The following SBNO2 variants were observed in gnomAD, a reference collection of about 807,000 sequenced individuals.
The protein encoded by SBNO2 is protein strawberry notch homolog 2.
In SBNO2, 89 loss-of-function variants were observed where a neutral mutation model predicts 146.3. That is an observed-to-expected ratio of 0.61 (90% CI 0.51 to 0.73). The LOEUF is 0.73. Among genes scored for constraint, SBNO2 ranks in the 30% least tolerant of loss-of-function variants. The pLI, the probability that SBNO2 is intolerant of heterozygous loss-of-function variation, is 0.00. For missense variants in SBNO2, 2,092 were observed against 2,003.7 expected (o/e 1.04, Z -0.84); for synonymous variants, 1,147 against 892.6 (o/e 1.29, Z -5.08).
chr19:1,114,389 CG>C lies in SBNO2; in HGVS notation c.1918del (p.Arg640GlyfsTer75). The C allele has an allele frequency of 6.5e-7, 1 of 1,550,112 alleles. No individual in the cohort carries two copies. The highest frequency in any genetic ancestry group is 8.7e-7 in the Non-Finnish European group (1 of 1,146,570). ...GACGCCCGCTGTCTCGCACGCCAGC[CG>C]GGGGGCTTTGGCCCCGCGTCCCCGA... is the stretch of plus-strand genomic sequence containing the variant. Reference protein sequence around the residue: ...RPRGRGAKAPRLACETAGVIR... With the variant: ...RPRGRGAKAPXLACETAGVIR... On this transcript the variant is annotated frameshift_variant, in exon 18 of 32. Coordinates refer to ENST00000361757, the MANE Select transcript of SBNO2 (RefSeq NM_014963.3). LOFTEE classifies it high-confidence loss of function.
In SBNO2 at chr19:1,140,725, G is replaced by A. The variant is rs919199610; in HGVS notation, c.279+6584C>T. Among the ~76,000 whole-genome samples the A allele has an allele frequency of 6.6e-6, 1 of 152,196 alleles. No homozygotes were observed. Among genetic ancestry groups the A allele is most frequent in the Non-Finnish European group, 1.5e-5 (1 of 68,014 alleles). ...GACGGACGCAGCAGGGATGCCCGCA[G>A]GCAGCTCCCACGGGCAGAGGCTGCT... On this transcript the variant is annotated intron_variant, in intron 4 of 31. Transcript: ENST00000361757. This position sits in a 1 kb window ranked among gnomAD's most constrained non-coding sequence, Gnocchi z 4.4.
chr19:1,122,265 GGT>G lies in SBNO2; in HGVS notation c.1021_1022del (p.Thr341HisfsTer85). 1 of 1,572,830 alleles carries G rather than the reference GGT, an allele frequency of 6.4e-7. No individual in the cohort carries two copies. Among genetic ancestry groups the G allele is most frequent in the Non-Finnish European group, 8.6e-7 (1 of 1,159,074 alleles). ...HALSKIKYGD[T>X]TTSEGVLFAT... Reference sequence around the variant, plus strand: ...CGAAGAGGACGCCCTCTGAGGTAGTGGTGTCACCGTACTTGATCTGGGGATGC... The same window carrying G: ...CGAAGAGGACGCCCTCTGAGGTAGTGGTCACCGTACTTGATCTGGGGATGC... On this transcript the variant is annotated frameshift_variant, in exon 11 of 32. Coordinates refer to ENST00000361757, the MANE Select transcript of SBNO2 (RefSeq NM_014963.3). LOFTEE classifies it high-confidence loss of function.
In SBNO2 at chr19:1,147,425, A is replaced by C; in HGVS notation, c.168-5T>G. 2.7e-5 allele frequency: 16 copies of C among 582,168 alleles called. No individual in the cohort carries two copies. Among genetic ancestry groups the C allele is most frequent in the Non-Finnish European group, 3.8e-5 (15 of 397,024 alleles). The allele number at this position is 582,168 out of a possible 1,614,324, so 36.1% of individuals were successfully genotyped here. A position where few individuals can be genotyped will look rare whatever the true frequency, so the allele number is the denominator to read the frequency against. On this transcript the variant is annotated splice_region_variant and splice_polypyrimidine_tract_variant and intron_variant, in intron 3 of 31. Coordinates refer to ENST00000361757, the MANE Select transcript of SBNO2 (RefSeq NM_014963.3). ...GAGGCGGAGCTCATGAACGGGCTGG[A>C]GGGAGATGGGGGGGGGGGAGGTGAG...
chr19:1,114,821 G>A (rs1313969358), intron 17 of SBNO2, among the ~76,000 whole-genome samples: 3 of 152,082 alleles, frequency 2.0e-5, no homozygotes, highest in Non-Finnish European at 2.9e-5. Context: ...TTTTAGTAGA[G>A]ATGGGGTTTC....
intron 5 of SBNO2, among the ~76,000 whole-genome samples, chr19:1,125,117 CCAAGGCCTCCCAGAGTGGAGGT>C (rs1389761152): frequency 6.6e-6 from 1 of 151,640 alleles, no homozygotes; most frequent in East Asian, 1.9e-4. Context: ...CTTTGGGAGG[CCAAGGCCTCCCAGAGTGGAGGT>C]CAGGATTTCG....
chr19:1,122,313 G>A (rs769674828), intron 10 of SBNO2, 31 bp from the exon 11 acceptor site: 2 of 1,537,578 alleles, frequency 1.3e-6, no homozygotes, highest in Non-Finnish European at 8.8e-7. Flanking sequence ...TGTGGAATGG[G>A]GCCCCGGCTC....
intron 4 of SBNO2, among the ~76,000 whole-genome samples, 156 bp from the exon 5 acceptor site, chr19:1,127,921 C>A (rs996570878): frequency 2.0e-5 from 3 of 152,168 alleles, no homozygotes; most frequent in African/African-American, 7.2e-5. Flanking sequence ...TCAAGCAATT[C>A]TCCTGCCTCA....
Position 1,108,301 on chromosome 19 carries a change from C to A in SBNO2, c.4020G>T (p.Gly1340=). 1 of 1,483,800 alleles carries A rather than the reference C, an allele frequency of 6.7e-7. No homozygotes were observed. The highest frequency in any genetic ancestry group is 9.0e-7 in the Non-Finnish European group (1 of 1,113,054). 91.9% of individuals were successfully genotyped at this position (1,483,800 alleles called of 1,614,324 possible). The change falls in exon 32 of 32, where the codon GGG becomes GGT. Residue 1340 remains glycine (G), a synonymous_variant. Coordinates refer to ENST00000361757, the MANE Select transcript of SBNO2 (RefSeq NM_014963.3). ...EGALGEGAGA[G]GAAGGGPERQ... ...GCTCGGGACCACCGCCCGCCGCGCC[C>A]CCCGCCCCCGCGCCCTCCCCCAGCG...
At chr19:1,143,186 G>C (rs1322000146) in intron 4 of SBNO2, among the ~76,000 whole-genome samples, 1 of 151,940 alleles carries the variant, frequency 6.6e-6, no homozygotes, top group Admixed American at 6.6e-5. Context: ...TCAACCTCAT[G>C]GCTCCAACAA....
chr19:1,172,826 T>C (rs990068878), intron 1 of SBNO2, among the ~76,000 whole-genome samples: 2 of 116,274 alleles, frequency 1.7e-5, no homozygotes, highest in Admixed American at 1.2e-4. Context: ...ACAGGCCAGC[T>C]CCGAGGCCGG....
At chr19:1,146,593 C>A (rs1307870687) in intron 4 of SBNO2, among the ~76,000 whole-genome samples, 1 of 151,822 alleles carries the variant, frequency 6.6e-6, no homozygotes, top group African/African-American at 2.4e-5. Flanking sequence ...CAGCCCCTGG[C>A]CCCGGGTCCC....
rs2080175077 is a variant in SBNO2, at chr19:1,144,947, CAG to C, written c.279+2360_279+2361del. On this transcript the variant is annotated intron_variant, in intron 4 of 31. Transcript: ENST00000361757. The surrounding 1 kb of genome is among the most constrained non-coding windows in gnomAD (Gnocchi z 4.1). The stretch of plus-strand genomic sequence containing the variant: ...AGAGAGACAGAGACAGAGAGGGAGA[CAG>C]AGACAAAGAGGGAGACAGAGACAGA... 7.0e-6 allele frequency among the ~76,000 whole-genome samples: 1 copy of C among 142,872 alleles called. No homozygotes were observed. Among genetic ancestry groups the C allele is most frequent in the African/African-American group, 2.7e-5 (1 of 37,462 alleles). 93.7% of individuals were successfully genotyped at this position (142,872 alleles called of 152,430 possible). A position where few individuals can be genotyped will look rare whatever the true frequency, so the allele number is the denominator to read the frequency against.
intron 4 of SBNO2, chr19:1,132,097 A>G (rs1797332741): frequency 3.9e-6 from 6 of 1,542,400 alleles, no homozygotes; most frequent in Non-Finnish European, 4.4e-6. Flanking sequence ...TACCTTGTTC[A>G]GAGCCTCAAA....
At position 1,147,431 on chromosome 19, in the gene SBNO2, AT is replaced by A. The variant is rs372686808; in HGVS notation, c.168-12del. ...GAGCTCATGAACGGGCTGGAGGGAGATGGGGGGGGGGGAGGTGAGATGGGGT... is the reference window on the plus strand; with the variant it reads ...GAGCTCATGAACGGGCTGGAGGGAGAGGGGGGGGGGGAGGTGAGATGGGGT... On this transcript the variant is annotated splice_polypyrimidine_tract_variant and intron_variant, in intron 3 of 31. Coordinates refer to ENST00000361757, the MANE Select transcript of SBNO2 (RefSeq NM_014963.3). The A allele has an allele frequency of 0.16, 90,425 of 556,114 alleles. 6,635 individuals carry two copies. The highest frequency in any genetic ancestry group is 0.18 in the Non-Finnish European group (63,401 of 357,974). The allele number at this position is 556,114 out of a possible 1,614,324, so 34.4% of individuals were successfully genotyped here. A position where few individuals can be genotyped will look rare whatever the true frequency, so the allele number is the denominator to read the frequency against.
chr19:1,130,955 G>C (rs1346327231), intron 4 of SBNO2, among the ~76,000 whole-genome samples: 1 of 152,168 alleles, frequency 6.6e-6, no homozygotes. Flanking sequence ...ACTTCTAGCA[G>C]GTGCCCTCAG....
Position 1,110,185 on chromosome 19 carries a change from G to A in SBNO2, c.3029-408C>T, listed in dbSNP as rs1371896537. 6.6e-6 allele frequency among the ~76,000 whole-genome samples: 1 copy of A among 152,130 alleles called. No homozygotes were observed. The highest frequency in any genetic ancestry group is 1.9e-4 in the East Asian group (1 of 5,198). The stretch of plus-strand genomic sequence containing the variant: ...AGGCTGTGGGGGATCGTGGGAGCCT[G>A]GTTGGCTGCGGCACTGCTCATGAGT... On this transcript the variant is annotated intron_variant, in intron 26 of 31. Transcript: ENST00000361757. The surrounding 1 kb of genome is among the most constrained non-coding windows in gnomAD (Gnocchi z 4.9).
rs12609108 is a variant in SBNO2, at chr19:1,130,285, C to T, written c.280-2520G>A. Among the ~76,000 whole-genome samples the T allele has an allele frequency of 3.1e-3, 469 of 152,190 alleles. 30 individuals carry two copies. The East Asian group carries it at 0.074, about 24-fold the overall frequency. On this transcript the variant is annotated intron_variant, in intron 4 of 31. Transcript: ENST00000361757. ...AGCAGGGAGCCCGGGAGTGGGTGCA[C>T]GGGGACTCTCTGCACTGTCCCTGCA...
At chr19:1,135,359 C>A (rs1000972184) in intron 4 of SBNO2, among the ~76,000 whole-genome samples, 1 of 152,218 alleles carries the variant, frequency 6.6e-6, no homozygotes, top group Non-Finnish European at 1.5e-5. Context: ...AAAATACTGT[C>A]TCAAATAAAT....
Position 1,109,596 on chromosome 19 carries a change from G to T in SBNO2, c.3126C>A (p.Ile1042=), listed in dbSNP as rs185032569. 19,170 of 1,574,606 alleles carry T rather than the reference G, an allele frequency of 0.012. 147 individuals are homozygous for T. The highest frequency in any genetic ancestry group is 0.015 in the Non-Finnish European group (17,096 of 1,160,906). The change falls in exon 28 of 32, where the codon ATC becomes ATA. Residue 1042 remains isoleucine, a splice_region_variant and synonymous_variant. Transcript: ENST00000361757. The surrounding 1 kb of genome is among the most constrained non-coding windows in gnomAD (Gnocchi z 4.2). ...PQDGQVVFYK[I]SVDRGLKWED... ...CCCACTTCAGGCCGCGGTCCACGCT[G>T]ATCTGCCACGGCACGGGGTGGGGGG...
Sources: allele counts gnomAD v4.1 joint callset (sites outside exome capture counted in the v4.1 genomes callset), GRCh38; gene constraint gnomAD v4.1.1; non-coding constraint Gnocchi (gnomAD v3.1); transcripts MANE v1.5; gene names NCBI Gene and HGNC (gene_info 2026-07-23, HGNC 2026-07-21).